PNPT1: variants seen among roughly 807,000 people sequenced by gnomAD.
PNPT1 encodes polyribonucleotide nucleotidyltransferase 1, mitochondrial.
Under a neutral mutation model 119.5 loss-of-function variants are expected in PNPT1, and 53 were observed. The ratio of observed to expected loss-of-function variants is 0.44; its 90% CI spans 0.36 to 0.56. The LOEUF (loss-of-function observed/expected upper bound fraction) is 0.56, where lower values mean the gene tolerates loss of function less well. Among genes scored for constraint, PNPT1 ranks in the 20% least tolerant of loss-of-function variants. The probability of loss-of-function intolerance (pLI) is 0.00; values close to 1 mark genes in which losing one functional copy is unlikely to be tolerated. For missense variants in PNPT1, 948 were observed against 938.5 expected (o/e 1.01, Z -0.13); for synonymous variants, 357 against 322.1 (o/e 1.11, Z -1.16).
chr2:55,640,572 A>G lies in PNPT1; in HGVS notation c.2148+55T>C, dbSNP rs574123537. ...ATTCTTACCAACCTAGGTAATTTCA[A>G]TACAGTGTTTCAAGGCAGTTATAAA... On this transcript the variant is annotated intron_variant, in intron 26 of 27. Transcript: ENST00000447944. 1.3e-5 allele frequency: 18 copies of G among 1,388,120 alleles called. No individual in the cohort carries two copies. The South Asian group carries it at 1.9e-4, about 14-fold the overall frequency. 86.0% of individuals were successfully genotyped at this position (1,388,120 alleles called of 1,614,324 possible).
intron 19 of PNPT1, 69 bp from the exon 20 acceptor site, chr2:55,646,555 A>G (rs987075641): frequency 6.9e-6 from 9 of 1,306,878 alleles, no homozygotes; most frequent in Admixed American, 2.2e-5. Context: ...CACTGTAGAA[A>G]CATTTCAAAA....
chr2:55,673,765 G>A (rs1284181100), intron 8 of PNPT1, among the ~76,000 whole-genome samples: 2 of 151,780 alleles, frequency 1.3e-5, no homozygotes, highest in Middle Eastern at 3.2e-3. Flanking sequence ...ATTTTTAAAA[G>A]GCCATATGTA....
intron 12 of PNPT1, among the ~76,000 whole-genome samples, chr2:55,667,542 C>T (rs981612787): frequency 3.3e-5 from 5 of 150,954 alleles, no homozygotes; most frequent in African/African-American, 9.8e-5. Flanking sequence ...TGCAGTGAGC[C>T]GAGATTGCAC....
intron 15 of PNPT1, among the ~76,000 whole-genome samples, chr2:55,658,952 T>C (rs999778951): frequency 6.6e-6 from 1 of 152,206 alleles, no homozygotes; most frequent in Non-Finnish European, 1.5e-5. Flanking sequence ...TCATGTTGTA[T>C]TCTTTTTCTT....
chr2:55,681,859 A>AG (rs70954147), intron 5 of PNPT1, among the ~76,000 whole-genome samples: 1 of 147,676 alleles, frequency 6.8e-6, no homozygotes, highest in Admixed American at 6.8e-5. Flanking sequence ...AAAAAAAAAA[A>AG]GGCTGGGCGC....
rs1695931509 is a variant in PNPT1 at position 55,644,661 on chromosome 2, A to T, written c.1882T>A (p.Leu628Ile). The change falls in exon 23 of 28, where the codon TTA becomes ATA. Residue 628 changes from leucine (L) to isoleucine (I), a missense_variant. By Grantham distance (5) the Leu-to-Ile change is conservative. Coordinates refer to ENST00000447944, the MANE Select transcript of PNPT1 (RefSeq NM_033109.5). The stretch of plus-strand genomic sequence containing the variant: ...CCTGTTTCAGCCTGAAGTTTTTTTA[A>T]GTTATAGCCACCAGGTCCAACAAAT... ...AKFVGPGGYN[L>I]KKLQAETGVT... The T allele has an allele frequency of 6.2e-7, 1 of 1,611,756 alleles. No individual in the cohort carries two copies.
At chr2:55,662,057 A>G in intron 13 of PNPT1, 31 bp from the exon 14 acceptor site, 7 of 1,503,748 alleles carry the variant, frequency 4.7e-6, no homozygotes, top group Non-Finnish European at 6.2e-6. Flanking sequence ...CTCAGGCTTT[A>G]ATATACTAAC....
At chr2:55,668,400 CT>C (rs1279004956) in intron 11 of PNPT1, among the ~76,000 whole-genome samples, 1 of 151,974 alleles carries the variant, frequency 6.6e-6, no homozygotes, top group Non-Finnish European at 1.5e-5. Flanking sequence ...CCATGCCTGG[CT>C]AATTTTTTTG....
chr2:55,642,214 G>C (rs1695854110), intron 25 of PNPT1, among the ~76,000 whole-genome samples: 1 of 151,980 alleles, frequency 6.6e-6, no homozygotes. Flanking sequence ...GAAAAAAAAA[G>C]AAATAAAGAA....
intron 24 of PNPT1, 28 bp downstream of exon 24, chr2:55,643,291 A>C: frequency 1.9e-6 from 3 of 1,611,772 alleles, no homozygotes; most frequent in Non-Finnish European, 2.5e-6. Context: ...TAGCTATATG[A>C]TACGTAATTA....
chr2:55,640,855 C>T (rs1472062253), intron 25 of PNPT1, 150 bp from the exon 26 acceptor site: 1 of 564,248 alleles, frequency 1.8e-6, no homozygotes, highest in Non-Finnish European at 3.1e-6. Context: ...GTATACTTTT[C>T]AACTGAAAAT....
chr2:55,687,593 T>G, intron 2 of PNPT1, 52 bp downstream of exon 2: 2 of 1,335,492 alleles, frequency 1.5e-6, no homozygotes, highest in South Asian at 1.4e-5. Context: ...ACATTTAGTA[T>G]GAGTCTCCGT....
intron 8 of PNPT1, among the ~76,000 whole-genome samples, chr2:55,676,262 CAAAAA>C (rs11400030): frequency 0.011 from 886 of 82,840 alleles, 5 homozygotes; most frequent in Non-Finnish European, 0.014. Flanking sequence ...CCATCTCAAC[CAAAAA>C]AAAAAAAAAA....
chr2:55,676,003 G>C (rs1002275044), intron 8 of PNPT1, among the ~76,000 whole-genome samples: 1 of 152,088 alleles, frequency 6.6e-6, no homozygotes, highest in Non-Finnish European at 1.5e-5. Context: ...GCTCACGCTT[G>C]TAATCCCAGC....
intron 25 of PNPT1, among the ~76,000 whole-genome samples, chr2:55,641,113 A>G (rs1225251565): frequency 6.6e-6 from 1 of 151,918 alleles, no homozygotes; most frequent in Non-Finnish European, 1.5e-5. Flanking sequence ...AATCCCAGCT[A>G]CTCAGGAGGG....
chr2:55,692,840 C>T (rs1347229788), intron 1 of PNPT1, among the ~76,000 whole-genome samples: 1 of 152,094 alleles, frequency 6.6e-6, no homozygotes, highest in African/African-American at 2.4e-5. Context: ...AACTTCAAGT[C>T]ATCCTTCCGT....
At chr2:55,679,950 C>A (rs1406857561) in intron 7 of PNPT1, among the ~76,000 whole-genome samples, 155 bp from the exon 8 acceptor site, 1 of 152,192 alleles carries the variant, frequency 6.6e-6, no homozygotes, top group African/African-American at 2.4e-5. Flanking sequence ...CATCCTACCC[C>A]ACCCTACCTT....
At chr2:55,677,636 T>C (rs1256397070) in intron 8 of PNPT1, among the ~76,000 whole-genome samples, 1 of 151,022 alleles carries the variant, frequency 6.6e-6, no homozygotes, top group Non-Finnish European at 1.5e-5. Flanking sequence ...TATTAGTTCA[T>C]TCCTCTAATG....
intron 8 of PNPT1, among the ~76,000 whole-genome samples, chr2:55,679,175 G>T (rs1559108805): frequency 6.6e-6 from 1 of 152,084 alleles, no homozygotes; most frequent in Non-Finnish European, 1.5e-5. Context: ...AGTGAAAATG[G>T]CCCATGGTCA....
Sources: gnomAD v4.1 joint callset for allele counts (sites outside exome capture counted in the v4.1 genomes callset) on GRCh38, gnomAD v4.1.1 for gene constraint, MANE v1.5 for transcripts, NCBI Gene and HGNC (gene_info 2026-07-23, HGNC 2026-07-21) for gene names.